ANKS3: variants seen among roughly 807,000 people sequenced by gnomAD.
The protein encoded by ANKS3 is ankyrin repeat and sterile alpha motif domain containing 3.
In ANKS3, 62 loss-of-function variants were observed where a neutral mutation model predicts 80.7. The ratio of observed to expected loss-of-function variants is 0.77; its 90% confidence interval spans 0.63 to 0.95. ANKS3 has a LOEUF of 0.95. Ranked by LOEUF, ANKS3 falls within the 40% of genes least tolerant of loss-of-function variation. The pLI is 0.00. For missense variants in ANKS3, 1,150 were observed against 883.6 expected, an observed-to-expected ratio of 1.30 and a Z score of -3.82; for synonymous variants, 489 against 355.3, an observed-to-expected ratio of 1.38 and a Z score of -4.23.
At chr16:4,718,138 C>A (rs1409679433) in intron 6 of ANKS3, among the ~76,000 whole-genome samples, 2 of 147,774 alleles carry the variant, frequency 1.4e-5, no homozygotes, top group Non-Finnish European at 3.0e-5. Flanking sequence ...CCAGACTGGT[C>A]TCCAACTCCA....
rs375389775 is a variant in ANKS3 at position 4,724,972 on chromosome 16, G to C, written c.492-141C>G. On this transcript the variant is annotated intron_variant, in intron 5 of 17. Transcript: ENST00000304283. ...ACACTGTCCCTTTCCAGAATTAACAGGTGACATGAGAACAGTGAATATAAC... is the reference window on the plus strand; with the variant it reads ...ACACTGTCCCTTTCCAGAATTAACACGTGACATGAGAACAGTGAATATAAC... 2.3e-5 allele frequency: 15 copies of C among 642,464 alleles called. No homozygotes were observed. The East Asian group carries it at 2.6e-4, about 11-fold the overall frequency. 39.8% of individuals were successfully genotyped at this position (642,464 alleles called of 1,614,324 possible).
chr16:4,698,019 G>T lies in ANKS3; in HGVS notation c.1768C>A (p.Pro590Thr), dbSNP rs757538820. The change falls in exon 15 of 18, where the codon CCC becomes ACC. Residue 590 changes from proline to threonine, a missense_variant. Coordinates refer to ENST00000304283, the MANE Select transcript of ANKS3 (RefSeq NM_133450.4). ...AGGCCCAGAGTGGCTGCACCAGGGG[G>T]CTGGTCCTGCCTCACTCGAGATGAC... ...ELSSRVRQDQ[P>T]PGAATLGLAV... 44 of 1,608,138 alleles carry T rather than the reference G, an allele frequency of 2.7e-5. No individual in the cohort carries two copies. The highest frequency in any genetic ancestry group is 3.6e-5 in the Non-Finnish European group (42 of 1,178,162).
In ANKS3 at chr16:4,698,446, GGGC is replaced by G; in HGVS notation, c.1702_1704del (p.Ala568del). On this transcript the variant is annotated inframe_deletion, in exon 14 of 18. Transcript: ENST00000304283. ...ACTCACCGCAGCTGGTCCAGGACGA[GGGC>G]AGCATCCCGGGCCAGGGCCCACGTC... 6.5e-7 allele frequency: 1 copy of G among 1,536,588 alleles called. No homozygotes were observed. The highest frequency in any genetic ancestry group is 8.7e-7 in the Non-Finnish European group (1 of 1,147,966).
chr16:4,696,892 A>T lies in ANKS3; in HGVS notation c.*16T>A. On this transcript the variant is annotated 3_prime_UTR_variant, in exon 18 of 18. Coordinates refer to ENST00000304283, the MANE Select transcript of ANKS3 (RefSeq NM_133450.4). ...CAGGGTGGACCAATCACCCAACGTC[A>T]GATTCTGAAAGAAAAAGCCCCGGTG... 1 of 865,560 alleles carries T rather than the reference A, an allele frequency of 1.2e-6. No individual in the cohort carries two copies. Among genetic ancestry groups the T allele is most frequent in the Non-Finnish European group, 1.8e-6 (1 of 546,084 alleles). The allele number at this position is 865,560 out of a possible 1,614,324, so 53.6% of individuals were successfully genotyped here.
At position 4,705,157 on chromosome 16, in the gene ANKS3, G is replaced by C; in HGVS notation, c.806C>G (p.Pro269Arg). Residue 269 changes from proline to arginine, a missense_variant, in exon 8 of 18, where the codon CCG becomes CGG. Pro to Arg is a moderately radical substitution (Grantham distance 103). Coordinates refer to ENST00000304283, the MANE Select transcript of ANKS3 (RefSeq NM_133450.4). ...RKKGVSIHEG[P>R]RALARITGIG... ...GCCTGTGATCCTGGCCAGGGCTCGC[G>C]GTCCCTCGTGGATGCTGACACCCTT... is the stretch of plus-strand genomic sequence containing the variant. 5 of 1,613,704 alleles carry C rather than the reference G, an allele frequency of 3.1e-6. No individual in the cohort carries two copies. The highest frequency in any genetic ancestry group is 1.3e-5 in the African/African-American group (1 of 75,054).
rs780445701 is a variant in ANKS3 at position 4,727,107 on chromosome 16, G to A, written c.241C>T (p.His81Tyr). The change falls in exon 4 of 18, where the codon CAC (histidine) becomes TAC (tyrosine). Residue 81 changes from histidine (H) to tyrosine (Y), a missense_variant. Transcript: ENST00000304283. ...TPLMYASYIG[H>Y]DTIVHLLLEA... ...AGCAGCAGGTGCACGATTGTGTCGT[G>A]GCCAATGTAGGAGGCATACATCAGC... 1.2e-6 allele frequency: 2 copies of A among 1,614,068 alleles called. No homozygotes were observed. Among genetic ancestry groups the A allele is most frequent in the African/African-American group, 2.7e-5 (2 of 74,924 alleles).
chr16:4,722,648 T>G (rs2081162246), intron 6 of ANKS3, among the ~76,000 whole-genome samples: 1 of 151,310 alleles, frequency 6.6e-6, no homozygotes, highest in Non-Finnish European at 1.5e-5. Flanking sequence ...CTGGGCGCAG[T>G]GGCTTATGCC....
intron 3 of ANKS3, 27 bp downstream of exon 3, chr16:4,729,953 G>A: frequency 6.9e-7 from 1 of 1,454,416 alleles, no homozygotes; most frequent in Non-Finnish European, 9.2e-7. Flanking sequence ...CTCAAAATGT[G>A]AGAGGAAGTT....
At chr16:4,706,195 G>A (rs2080179788) in intron 7 of ANKS3, among the ~76,000 whole-genome samples, 1 of 151,836 alleles carries the variant, frequency 6.6e-6, no homozygotes, top group Non-Finnish European at 1.5e-5. Flanking sequence ...GTGCCCGGCT[G>A]GAAACAACTT....
intron 14 of ANKS3, 106 bp downstream of exon 14, chr16:4,698,321 A>T: frequency 7.2e-7 from 1 of 1,397,964 alleles, no homozygotes; most frequent in Non-Finnish European, 9.4e-7. Flanking sequence ...CAGACCCTGA[A>T]ATCCACCCCT....
At chr16:4,702,327 A>T in intron 8 of ANKS3, 85 bp from the exon 9 acceptor site, 1 of 1,358,546 alleles carries the variant, frequency 7.4e-7, no homozygotes, top group Non-Finnish European at 9.6e-7. Context: ...GAGGCAGGTG[A>T]CTTCCCAGTC....
chr16:4,705,065 AAG>A (rs1289920775), intron 8 of ANKS3, 28 bp downstream of exon 8: 1 of 1,606,518 alleles, frequency 6.2e-7, no homozygotes, highest in Non-Finnish European at 8.5e-7. Context: ...TGCAATGAGA[AAG>A]AGCCCTCGGG....
At chr16:4,712,922 A>G (rs2080573769) in intron 7 of ANKS3, among the ~76,000 whole-genome samples, 1 of 152,184 alleles carries the variant, frequency 6.6e-6, no homozygotes, top group Non-Finnish European at 1.5e-5. Context: ...TAAAGAATCA[A>G]TAACAAAACT....
At chr16:4,719,756 G>A (rs1047161823) in intron 6 of ANKS3, among the ~76,000 whole-genome samples, 3 of 151,938 alleles carry the variant, frequency 2.0e-5, no homozygotes, top group Non-Finnish European at 4.4e-5. Flanking sequence ...CCATGATCAG[G>A]CCACTGCACT....
chr16:4,722,617 A>T (rs1187891898), intron 6 of ANKS3, among the ~76,000 whole-genome samples: 1 of 150,920 alleles, frequency 6.6e-6, no homozygotes, highest in African/African-American at 2.4e-5. Flanking sequence ...CTAAGAAATC[A>T]ATTTAAAAAT....
At chr16:4,733,862 C>G in intron 1 of ANKS3, 76 bp downstream of exon 1, 1 of 951,410 alleles carries the variant, frequency 1.1e-6, no homozygotes, top group Non-Finnish European at 1.3e-6. Context: ...CACCCCCTCT[C>G]GCCCCGTGGA....
intron 17 of ANKS3, 27 bp from the exon 18 acceptor site, chr16:4,696,923 G>A (rs1004781004): frequency 3.5e-6 from 4 of 1,148,296 alleles, no homozygotes; most frequent in Non-Finnish European, 5.1e-6. Context: ...CGGTGAGAAG[G>A]GAGGGGGACA....
intron 11 of ANKS3, chr16:4,699,955 G>C (rs1374578298): frequency 6.6e-6 from 1 of 152,320 alleles, no homozygotes; most frequent in Non-Finnish European, 1.5e-5. Context: ...GCTATTTTCT[G>C]AAAGAAACAT....
chr16:4,728,921 G>A (rs2081489644), intron 3 of ANKS3, among the ~76,000 whole-genome samples: 1 of 152,300 alleles, frequency 6.6e-6, no homozygotes, highest in South Asian at 2.1e-4. Flanking sequence ...ATGTCTAAGT[G>A]AGGGCCACAA....
Sources: allele counts gnomAD v4.1 joint callset (sites outside exome capture counted in the v4.1 genomes callset), GRCh38; gene constraint gnomAD v4.1.1; transcripts MANE v1.5; gene names NCBI Gene and HGNC (gene_info 2026-07-23, HGNC 2026-07-21).